DPY19L4: variants seen among roughly 807,000 people sequenced by gnomAD.
The protein encoded by DPY19L4 is probable C-mannosyltransferase DPY19L4.
DPY19L4 carries 97 observed loss-of-function variants against 102.8 expected under a neutral mutation model. The observed-to-expected ratio is 0.94, with a 90% CI of 0.80 to 1.12. The LOEUF (loss-of-function observed/expected upper bound fraction) is 1.12, where lower values mean the gene tolerates loss of function less well. Among genes scored for constraint, DPY19L4 ranks in the 50% most tolerant of loss-of-function variants. The pLI is 0.00. For synonymous variants in DPY19L4, 252 were observed against 283.1 expected, an observed-to-expected ratio of 0.89 and a Z score of 1.10; for missense variants, 815 against 850.4, an observed-to-expected ratio of 0.96 and a Z score of 0.52.
chr8:94,721,531 TATC>T (rs1810460905), intron 1 of DPY19L4, among the ~76,000 whole-genome samples: 1 of 152,240 alleles, frequency 6.6e-6, no homozygotes, highest in Admixed American at 6.5e-5. Context: ...GGTTACAGTA[TATC>T]ATCATTTGAA....
chr8:94,735,729 A>G (rs994899074), intron 3 of DPY19L4, among the ~76,000 whole-genome samples: 2 of 152,148 alleles, frequency 1.3e-5, no homozygotes, highest in African/African-American at 4.8e-5. Flanking sequence ...ATGGGTCAGG[A>G]GCATTGGCAG....
At chr8:94,748,056 A>T (rs1035543011) in intron 6 of DPY19L4, among the ~76,000 whole-genome samples, 7 of 151,932 alleles carry the variant, frequency 4.6e-5, no homozygotes, top group African/African-American at 1.7e-4. Context: ...TGATTTTGTC[A>T]CCTCCCACTG....
At position 94,790,998 on chromosome 8, in the gene DPY19L4, TA is replaced by T. The variant is rs1429727508; in HGVS notation, c.*1089del. 6.6e-6 allele frequency: 1 copy of T among 152,156 alleles called. No homozygotes were observed. The highest frequency in any genetic ancestry group is 1.9e-4 in the East Asian group (1 of 5,204). The allele number at this position is 152,156 out of a possible 1,614,324, so 9.4% of individuals were successfully genotyped here. On this transcript the variant is annotated 3_prime_UTR_variant, in exon 19 of 19. Coordinates refer to ENST00000414645, the MANE Select transcript of DPY19L4 (RefSeq NM_181787.3). ...TGCTATGTTCCTTTAAGTATTTTCA[TA>T]TTTTTAATCATTTATTAAGAGAAAA... is the stretch of plus-strand genomic sequence containing the variant.
In DPY19L4 at chr8:94,770,508, C is replaced by A. The variant is rs1443873882; in HGVS notation, c.1391C>A (p.Pro464Gln). 1 of 1,613,586 alleles carries A rather than the reference C, an allele frequency of 6.2e-7. No individual in the cohort carries two copies. Among genetic ancestry groups the A allele is most frequent in the South Asian group, 1.1e-5 (1 of 90,992 alleles). ...TLEDGRIGER[P>Q]EIIYHVIHTI... ...GAAGATGGACGAATTGGAGAAAGAC[C>A]AGAAATAATTTATCATGTAATTCAC... Residue 464 changes from proline (P) to glutamine (Q), a missense_variant, in exon 13 of 19, where the codon CCA becomes CAA. Transcript: ENST00000414645.
At chr8:94,755,891 A>T in intron 6 of DPY19L4, 145 bp from the exon 7 acceptor site, 1 of 824,424 alleles carries the variant, frequency 1.2e-6, no homozygotes. Context: ...TCTCAAAAAA[A>T]AAAAGGACAA....
chr8:94,763,819 C>T (rs548371754), intron 8 of DPY19L4, among the ~76,000 whole-genome samples: 13 of 152,216 alleles, frequency 8.5e-5, no homozygotes, highest in African/African-American at 2.2e-4. Context: ...TGAGCCACTG[C>T]GCCCAGCCCC....
intron 14 of DPY19L4, among the ~76,000 whole-genome samples, chr8:94,778,277 C>T (rs1042958759): frequency 3.2e-4 from 48 of 151,896 alleles, no homozygotes; most frequent in African/African-American, 1.1e-3. Flanking sequence ...CATTTTAATG[C>T]ATACAACTTA....
intron 6 of DPY19L4, chr8:94,744,594 T>C: frequency 4.4e-6 from 2 of 455,304 alleles, no homozygotes; most frequent in South Asian, 3.1e-5. Context: ...TCAATTAACT[T>C]TGCTATTAAT....
intron 8 of DPY19L4, among the ~76,000 whole-genome samples, chr8:94,763,704 T>A (rs1171240806): frequency 6.6e-6 from 1 of 151,954 alleles, no homozygotes; most frequent in Non-Finnish European, 1.5e-5. Flanking sequence ...TTTTTTATTT[T>A]TAGTAGAGAA....
rs186421566 is a variant in DPY19L4, at chr8:94,758,549, A to G, written c.735+2390A>G. ...CCTGTAACCCAAACCTCTGGCAACC[A>G]CTGATCTATTCTCTATCACTATAAT... is the stretch of plus-strand genomic sequence containing the variant. On this transcript the variant is annotated intron_variant, in intron 7 of 18. Coordinates refer to ENST00000414645, the MANE Select transcript of DPY19L4 (RefSeq NM_181787.3). Among the ~76,000 whole-genome samples the G allele has an allele frequency of 2.2e-4, 34 of 152,226 alleles. 3 individuals carry two copies. The East Asian group carries it at 3.3e-3, about 15-fold the overall frequency.
intron 6 of DPY19L4, among the ~76,000 whole-genome samples, chr8:94,748,741 C>T (rs1026426685): frequency 6.6e-6 from 1 of 152,184 alleles, no homozygotes; most frequent in South Asian, 2.1e-4. Flanking sequence ...TCAGCAGAGG[C>T]ATTATATTCT....
chr8:94,720,987 C>T (rs1810431449), intron 1 of DPY19L4, among the ~76,000 whole-genome samples: 1 of 151,744 alleles, frequency 6.6e-6, no homozygotes. Flanking sequence ...GTTCTTGTTG[C>T]CCAGTCTAGA....
At chr8:94,784,654 T>A (rs188945507) in intron 17 of DPY19L4, among the ~76,000 whole-genome samples, 3 of 152,330 alleles carry the variant, frequency 2.0e-5, no homozygotes, top group Admixed American at 2.0e-4. Context: ...GGTGGCAAAC[T>A]CCTGACCTCA....
chr8:94,720,806 T>C (rs1365918404), intron 1 of DPY19L4, among the ~76,000 whole-genome samples: 1 of 152,256 alleles, frequency 6.6e-6, no homozygotes, highest in Non-Finnish European at 1.5e-5. Context: ...CATGGCATAG[T>C]AACTTCATGA....
intron 1 of DPY19L4, among the ~76,000 whole-genome samples, chr8:94,722,723 C>T (rs1020100574): frequency 6.6e-6 from 1 of 151,890 alleles, no homozygotes; most frequent in Non-Finnish European, 1.5e-5. Context: ...TACTTTTTTT[C>T]CCCCAGAATC....
chr8:94,781,951 T>G (rs1813450079), intron 16 of DPY19L4, among the ~76,000 whole-genome samples: 1 of 152,208 alleles, frequency 6.6e-6, no homozygotes, highest in African/African-American at 2.4e-5. Context: ...CCTCAACCCA[T>G]GTTATACAGG....
At chr8:94,768,764 C>T (rs1269281982) in intron 12 of DPY19L4, among the ~76,000 whole-genome samples, 1 of 151,892 alleles carries the variant, frequency 6.6e-6, no homozygotes, top group Non-Finnish European at 1.5e-5. Context: ...GAGGCCGAAG[C>T]GGGCAGATCG....
chr8:94,722,383 G>A (rs1053625899), intron 1 of DPY19L4, among the ~76,000 whole-genome samples: 2 of 152,090 alleles, frequency 1.3e-5, no homozygotes, highest in African/African-American at 4.8e-5. Flanking sequence ...CTCCAGCCTG[G>A]GTGACAGAGT....
intron 2 of DPY19L4, among the ~76,000 whole-genome samples, chr8:94,728,600 C>T (rs73697004): frequency 0.12 from 18,706 of 152,078 alleles, 1,620 homozygotes; most frequent in African/African-American, 0.24. Flanking sequence ...AGGGGCTGGC[C>T]GCAAGAAAAC....
Sources: gnomAD v4.1 joint callset for allele counts (sites outside exome capture counted in the v4.1 genomes callset) on GRCh38, gnomAD v4.1.1 for gene constraint, MANE v1.5 for transcripts, NCBI Gene and HGNC (gene_info 2026-07-23, HGNC 2026-07-21) for gene names.